The following RNGTT variants were observed in gnomAD, a reference collection of about 807,000 sequenced individuals.
RNGTT encodes the protein mRNA-capping enzyme.
Under a neutral mutation model 79.3 loss-of-function variants are expected in RNGTT, and 33 were observed. The observed-to-expected ratio is 0.42, with a 90% CI of 0.32 to 0.56. The LOEUF is 0.56. Among genes scored for constraint, RNGTT ranks in the 20% least tolerant of loss-of-function variants. The probability of loss-of-function intolerance (pLI) is 0.17; values close to 1 mark genes in which losing one functional copy is unlikely to be tolerated. For synonymous variants in RNGTT, 222 were observed against 235.9 expected (o/e 0.94, Z 0.54); for missense variants, 497 against 739.1 (o/e 0.67, Z 3.80).
intron 14 of RNGTT, among the ~76,000 whole-genome samples, chr6:88,635,968 T>C (rs1019325492): frequency 1.3e-5 from 2 of 152,056 alleles, no homozygotes; most frequent in Non-Finnish European, 2.9e-5. Context: ...AATGGGAGCA[T>C]ATCCTCCTTT....
At chr6:88,796,238 G>C (rs1428921327) in intron 12 of RNGTT, among the ~76,000 whole-genome samples, 1 of 151,810 alleles carries the variant, frequency 6.6e-6, no homozygotes, top group African/African-American at 2.4e-5. Context: ...TCTTAATGTG[G>C]CAACTAGAAA....
At chr6:88,734,331 TAAGAG>T (rs1777213171) in intron 13 of RNGTT, among the ~76,000 whole-genome samples, 2 of 151,978 alleles carry the variant, frequency 1.3e-5, no homozygotes, top group South Asian at 4.2e-4. Context: ...ATTTATATAT[TAAGAG>T]AAGAGAGAAA....
rs192050354 is a variant in RNGTT, at chr6:88,652,835, T to A, written c.1506+25518A>T. On this transcript the variant is annotated intron_variant, in intron 14 of 15. Coordinates refer to ENST00000369485, the MANE Select transcript of RNGTT (RefSeq NM_003800.5). ...TGGGTCTTTACTGTTGTGCCTGCAT[T>A]TAGGGTAAGGATGGAGGGAGAGTTA... Among the ~76,000 whole-genome samples the A allele has an allele frequency of 1.9e-3, 289 of 152,232 alleles. 4 individuals carry two copies. The highest frequency in any genetic ancestry group is 6.8e-3 in the African/African-American group (283 of 41,536).
chr6:88,963,456 G>C lies in RNGTT; in HGVS notation c.-47C>G, dbSNP rs766400268. 10 of 1,496,144 alleles carry C rather than the reference G, an allele frequency of 6.7e-6. No individual in the cohort carries two copies. Among genetic ancestry groups the C allele is most frequent in the Non-Finnish European group, 8.1e-6 (9 of 1,117,518 alleles). The allele number at this position is 1,496,144 out of a possible 1,614,324, so 92.7% of individuals were successfully genotyped here. A position where few individuals can be genotyped will look rare whatever the true frequency, so the allele number is the denominator to read the frequency against. ...GCCCTCCCTCACCAACGTTCACCGC[G>C]CCTTTGGAGCCGCCTCCCCGTGGTC... On this transcript the variant is annotated 5_prime_UTR_variant, in exon 1 of 16. Coordinates refer to ENST00000369485, the MANE Select transcript of RNGTT (RefSeq NM_003800.5).
intron 13 of RNGTT, among the ~76,000 whole-genome samples, chr6:88,701,061 G>C (rs1582352084): frequency 6.6e-6 from 1 of 151,880 alleles, no homozygotes; most frequent in East Asian, 1.9e-4. Context: ...AAAGAAGAAT[G>C]TATGTATGAA....
Position 88,643,433 on chromosome 6 carries a change from G to C in RNGTT, c.1507-29038C>G, listed in dbSNP as rs149427393. Among the ~76,000 whole-genome samples the C allele has an allele frequency of 6.5e-4, 99 of 152,186 alleles. No individual in the cohort carries two copies. The Middle Eastern group carries it at 0.01, about 16-fold the overall frequency. On this transcript the variant is annotated intron_variant, in intron 14 of 15. Coordinates refer to ENST00000369485, the MANE Select transcript of RNGTT (RefSeq NM_003800.5). ...CTTTAACACCCCACTGTCAACATTA[G>C]ACAGATCAACGAGACAGAAAGTTAA...
At chr6:88,830,550 A>G (rs1432784832) in intron 11 of RNGTT, among the ~76,000 whole-genome samples, 1 of 152,084 alleles carries the variant, frequency 6.6e-6, no homozygotes, top group Non-Finnish European at 1.5e-5. Flanking sequence ...TTCAAAAGCT[A>G]GCAGAAGACA....
At chr6:88,878,679 C>A (rs1442056961) in intron 8 of RNGTT, among the ~76,000 whole-genome samples, 1 of 151,940 alleles carries the variant, frequency 6.6e-6, no homozygotes, top group Non-Finnish European at 1.5e-5. Context: ...TTATTTAATT[C>A]CAATATTCAT....
chr6:88,958,961 G>A (rs1562091997), intron 1 of RNGTT, among the ~76,000 whole-genome samples: 1 of 152,148 alleles, frequency 6.6e-6, no homozygotes, highest in Non-Finnish European at 1.5e-5. Context: ...CAGCTTAAAT[G>A]CCCAAGAACC....
intron 13 of RNGTT, among the ~76,000 whole-genome samples, chr6:88,764,330 T>C (rs1013215337): frequency 6.6e-6 from 1 of 152,218 alleles, no homozygotes; most frequent in Non-Finnish European, 1.5e-5. Context: ...ATCACACAAC[T>C]ATGTGTGAAT....
chr6:88,939,468 T>C (rs896595705), intron 2 of RNGTT, among the ~76,000 whole-genome samples: 1 of 152,190 alleles, frequency 6.6e-6, no homozygotes, highest in Non-Finnish European at 1.5e-5. Flanking sequence ...CTGATATCTA[T>C]CTCTGGTAAA....
In RNGTT at chr6:88,720,917, C is replaced by T. The variant is rs555002058; in HGVS notation, c.1440-42498G>A. Among the ~76,000 whole-genome samples the T allele has an allele frequency of 6.6e-5, 10 of 152,142 alleles. No individual in the cohort carries two copies. In the East Asian group the frequency reaches 1.9e-3, roughly 29 times the overall value. On this transcript the variant is annotated intron_variant, in intron 13 of 15. Transcript: ENST00000369485. ...GAAATCATCACACAAATAATGACGT[C>T]AAACCATGTTTTTTATGTTAGTTCA...
At chr6:88,689,550 C>T (rs1292378514) in intron 13 of RNGTT, among the ~76,000 whole-genome samples, 7 of 149,402 alleles carry the variant, frequency 4.7e-5, no homozygotes, top group African/African-American at 1.5e-4. Flanking sequence ...GCCGAGATCG[C>T]GCCATTGCAC....
At chr6:88,802,841 T>G (rs2127864144) in intron 11 of RNGTT, among the ~76,000 whole-genome samples, 1 of 152,212 alleles carries the variant, frequency 6.6e-6, no homozygotes, top group East Asian at 1.9e-4. Flanking sequence ...TCCCACCAGG[T>G]CCCTCCCACA....
chr6:88,820,419 A>G (rs1354945437), intron 11 of RNGTT, among the ~76,000 whole-genome samples: 3 of 151,866 alleles, frequency 2.0e-5, no homozygotes, highest in Non-Finnish European at 2.9e-5. Flanking sequence ...TTTCAAAATC[A>G]TACTGAAGTT....
intron 12 of RNGTT, among the ~76,000 whole-genome samples, chr6:88,790,563 C>G (rs1779374944): frequency 6.6e-6 from 1 of 152,094 alleles, no homozygotes; most frequent in African/African-American, 2.4e-5. Flanking sequence ...GACCTCCAGA[C>G]AGGTTAAAAG....
chr6:88,698,760 A>T (rs534465818), intron 13 of RNGTT, among the ~76,000 whole-genome samples: 1 of 152,256 alleles, frequency 6.6e-6, no homozygotes, highest in African/African-American at 2.4e-5. Flanking sequence ...TCCTAGATAT[A>T]TGCATTGTTC....
At chr6:88,693,349 A>T (rs1302229759) in intron 13 of RNGTT, among the ~76,000 whole-genome samples, 1 of 152,186 alleles carries the variant, frequency 6.6e-6, no homozygotes, top group African/African-American at 2.4e-5. Context: ...ACTATATGCC[A>T]ATAAATTAGA....
intron 14 of RNGTT, among the ~76,000 whole-genome samples, chr6:88,675,033 G>A (rs1351267000): frequency 6.6e-6 from 1 of 151,436 alleles, no homozygotes; most frequent in Non-Finnish European, 1.5e-5. Flanking sequence ...GGGAGGCAGA[G>A]GTTGCAGTGA....
Sources: allele counts gnomAD v4.1 joint callset (sites outside exome capture counted in the v4.1 genomes callset), GRCh38; gene constraint gnomAD v4.1.1; transcripts MANE v1.5; gene names NCBI Gene and HGNC (gene_info 2026-07-23, HGNC 2026-07-21).